The following IGBP1C variants were observed in gnomAD, a reference collection of about 807,000 sequenced individuals.
IGBP1C encodes immunoglobulin-binding protein 1 family member C.
At chr17:58,676,988 G>A in the IGBP1C span, among the ~76,000 whole-genome samples, 2 of 151,254 alleles carry the variant, frequency 1.3e-5, no homozygotes, top group East Asian at 2.0e-4. Context: ...GTGTTGTGGC[G>A]GGTGCCTGTA....
the IGBP1C span, among the ~76,000 whole-genome samples, chr17:58,667,127 G>A: frequency 6.6e-6 from 1 of 152,212 alleles, no homozygotes; most frequent in African/African-American, 2.4e-5. Flanking sequence ...TGAGCTAACA[G>A]ACGTGAATGA....
chr17:58,662,591 A>G, the IGBP1C span, among the ~76,000 whole-genome samples: 1 of 152,044 alleles, frequency 6.6e-6, no homozygotes, highest in South Asian at 2.1e-4. Flanking sequence ...CAACAGGCAC[A>G]ACTATTAATC....
At chr17:58,660,910 G>A in the IGBP1C span, 1 of 850,042 alleles carries the variant, frequency 1.2e-6, no homozygotes, top group Non-Finnish European at 2.1e-6. Context: ...AGTTAGAAGT[G>A]GATGCCTCTC....
chr17:58,676,997 T>C, the IGBP1C span, among the ~76,000 whole-genome samples: 1 of 150,672 alleles, frequency 6.6e-6, no homozygotes, highest in Non-Finnish European at 1.5e-5. Context: ...CGGGTGCCTG[T>C]AATCCCAGCT....
chr17:58,661,786 C>G, the IGBP1C span: 1 of 514,858 alleles, frequency 1.9e-6, no homozygotes, highest in Non-Finnish European at 3.4e-6. Flanking sequence ...AATCGCTGCT[C>G]CACTCCGGGT....
At chr17:58,661,446 C>G in the IGBP1C span, 6 of 794,716 alleles carry the variant, frequency 7.5e-6, no homozygotes, top group Non-Finnish European at 1.4e-5. Context: ...GCAACCTTGT[C>G]AAGGAGGTCG....
the IGBP1C span, among the ~76,000 whole-genome samples, chr17:58,685,407 GC>G: frequency 1.3e-5 from 2 of 150,976 alleles, no homozygotes; most frequent in Non-Finnish European, 2.9e-5. Flanking sequence ...CCGCACTCCA[GC>G]CTGGGCAGCA....
At chr17:58,663,650 T>C in the IGBP1C span, among the ~76,000 whole-genome samples, 3 of 151,922 alleles carry the variant, frequency 2.0e-5, no homozygotes, top group Non-Finnish European at 2.9e-5. Context: ...GTGTTTTTGG[T>C]AGAGATGGGG....
chr17:58,661,605 G>A, the IGBP1C span: 4 of 710,684 alleles, frequency 5.6e-6, no homozygotes, highest in African/African-American at 1.8e-5. Context: ...GCCATCTTGG[G>A]AAGGCTGATG....
At chr17:58,661,264 T>C in the IGBP1C span, 3 of 801,536 alleles carry the variant, frequency 3.7e-6, no homozygotes, top group African/African-American at 3.4e-5. Flanking sequence ...TTAAGTATTT[T>C]ATAAAGTGTT....
At chr17:58,688,504 T>C in the IGBP1C span, among the ~76,000 whole-genome samples, 3 of 152,238 alleles carry the variant, frequency 2.0e-5, no homozygotes, top group Non-Finnish European at 4.4e-5. Context: ...CAACTGAATA[T>C]GCGCATTAGA....
the IGBP1C span, among the ~76,000 whole-genome samples, chr17:58,684,630 CAAATAAATAAATAAATAAAT>C: frequency 3.8e-3 from 529 of 140,434 alleles, 3 homozygotes; most frequent in Non-Finnish European, 4.2e-3. Context: ...GACCCTGTCT[CAAATAAATAAATAAATAAAT>C]AAATAAATAA....
the IGBP1C span, chr17:58,660,803 G>C: frequency 7.7e-6 from 6 of 781,782 alleles, no homozygotes; most frequent in Admixed American, 1.7e-5. Flanking sequence ...CACTGTCATG[G>C]AAGCCAGACT....
At chr17:58,663,063 G>A in the IGBP1C span, among the ~76,000 whole-genome samples, 1 of 149,776 alleles carries the variant, frequency 6.7e-6, no homozygotes, top group South Asian at 2.1e-4. Flanking sequence ...GAGCCGAGAT[G>A]GCACCACTGC....
chr17:58,676,394 C>CAA, the IGBP1C span, among the ~76,000 whole-genome samples: 3 of 144,868 alleles, frequency 2.1e-5, no homozygotes, highest in Non-Finnish European at 4.6e-5. Context: ...ACCAAAAAAA[C>CAA]AAAAAAAAAC....
chr17:58,673,250 G>T, the IGBP1C span, among the ~76,000 whole-genome samples: 1 of 151,510 alleles, frequency 6.6e-6, no homozygotes, highest in Non-Finnish European at 1.5e-5. Flanking sequence ...GAAGGCCGAG[G>T]TGGGTGGATT....
chr17:58,671,260 T>C, the IGBP1C span, among the ~76,000 whole-genome samples: 1 of 152,204 alleles, frequency 6.6e-6, no homozygotes, highest in African/African-American at 2.4e-5. Context: ...GTTTCTTTTG[T>C]TTCTGCCTGG....
At chr17:58,682,418 C>T in the IGBP1C span, among the ~76,000 whole-genome samples, 2 of 151,982 alleles carry the variant, frequency 1.3e-5, no homozygotes, top group Non-Finnish European at 2.9e-5. Context: ...CCACCATGCC[C>T]GGCTAGTTTT....
chr17:58,691,353 A>G, the IGBP1C span, among the ~76,000 whole-genome samples: 1 of 151,964 alleles, frequency 6.6e-6, no homozygotes, highest in East Asian at 1.9e-4. Context: ...CTAAGCTGGG[A>G]AGAAAAGTCA....
Sources: allele counts gnomAD v4.1 joint callset (sites outside exome capture counted in the v4.1 genomes callset), GRCh38; gene constraint gnomAD v4.1.1; transcripts MANE v1.5; gene names NCBI Gene and HGNC (gene_info 2026-07-23, HGNC 2026-07-21).